Variants in DPY19L4 observed in about 807,000 individuals in gnomAD.
DPY19L4 encodes the protein dpy-19 like 4, also known as probable C-mannosyltransferase DPY19L4.
In DPY19L4, 97 loss-of-function variants were observed where a neutral mutation model predicts 102.8. That is an observed-to-expected ratio of 0.94 (90% CI 0.80 to 1.12). The LOEUF is 1.12. Among genes scored for constraint, DPY19L4 ranks in the 50% most tolerant of loss-of-function variants. The pLI, the probability that DPY19L4 is intolerant of heterozygous loss-of-function variation, is 0.00. For synonymous variants in DPY19L4, 252 were observed against 283.1 expected, an observed-to-expected ratio of 0.89 and a Z score of 1.10; for missense variants, 815 against 850.4, an observed-to-expected ratio of 0.96 and a Z score of 0.52.
Position 94,719,914 on chromosome 8 carries a change from G to T in DPY19L4, c.-85G>T. The T allele has an allele frequency of 7.1e-7, 1 of 1,416,192 alleles. No homozygotes were observed. Among genetic ancestry groups the T allele is most frequent in the Non-Finnish European group, 9.3e-7 (1 of 1,077,834 alleles). 87.7% of individuals were successfully genotyped at this position (1,416,192 alleles called of 1,614,324 possible). On this transcript the variant is annotated 5_prime_UTR_variant, in exon 1 of 19. Transcript: ENST00000414645. Reference sequence around the variant, plus strand: ...GCGCGGCGGCCAGGAGCGGGCCCCCGGAGGCCGAGGGGTTCGGCGACGCGG... The same window carrying T: ...GCGCGGCGGCCAGGAGCGGGCCCCCTGAGGCCGAGGGGTTCGGCGACGCGG...
intron 11 of DPY19L4, 108 bp from the exon 12 acceptor site, chr8:94,768,287 G>T: frequency 1.2e-6 from 1 of 833,884 alleles, no homozygotes; most frequent in East Asian, 2.7e-5. Context: ...AAGTAAACGG[G>T]TTTAGGAAAT....
At chr8:94,747,489 C>A (rs781485776) in intron 6 of DPY19L4, among the ~76,000 whole-genome samples, 1 of 150,286 alleles carries the variant, frequency 6.7e-6, no homozygotes, top group Non-Finnish European at 1.5e-5. Context: ...GCACTGAAGT[C>A]TTTGGCAATA....
chr8:94,719,958 C>G lies in DPY19L4; in HGVS notation c.-41C>G, dbSNP rs1810377005. 6.6e-7 allele frequency: 1 copy of G among 1,504,116 alleles called. No homozygotes were observed. The highest frequency in any genetic ancestry group is 8.9e-7 in the Non-Finnish European group (1 of 1,126,714). 93.2% of individuals were successfully genotyped at this position (1,504,116 alleles called of 1,614,324 possible). A position where few individuals can be genotyped will look rare whatever the true frequency, so the allele number is the denominator to read the frequency against. On this transcript the variant is annotated 5_prime_UTR_variant, in exon 1 of 19. Coordinates refer to ENST00000414645, the MANE Select transcript of DPY19L4 (RefSeq NM_181787.3). ...GACGCGGAGGGAGGGAGAGTCTGGGCCGCGCGGGAGCCGCAGGGCGCCCTA... is the reference window on the plus strand; with the variant it reads ...GACGCGGAGGGAGGGAGAGTCTGGGGCGCGCGGGAGCCGCAGGGCGCCCTA...
intron 13 of DPY19L4, among the ~76,000 whole-genome samples, chr8:94,772,023 A>G (rs1274786167): frequency 1.3e-5 from 2 of 151,808 alleles, no homozygotes; most frequent in African/African-American, 4.9e-5. Context: ...GTTATGTAAT[A>G]ATTTTTTAGG....
At chr8:94,787,133 G>A (rs1466594685) in intron 17 of DPY19L4, among the ~76,000 whole-genome samples, 4 of 152,166 alleles carry the variant, frequency 2.6e-5, no homozygotes, top group Admixed American at 6.5e-5. Flanking sequence ...TGCCAAGGTT[G>A]AGAAACTGTG....
At chr8:94,762,986 T>A (rs1397831139) in intron 8 of DPY19L4, among the ~76,000 whole-genome samples, 2 of 151,780 alleles carry the variant, frequency 1.3e-5, no homozygotes, top group Non-Finnish European at 2.9e-5. Flanking sequence ...TCTCACTCTG[T>A]TGCCCAGGCT....
intron 16 of DPY19L4, among the ~76,000 whole-genome samples, chr8:94,782,747 T>C (rs6471492): frequency 0.062 from 9,411 of 152,262 alleles, 919 homozygotes; most frequent in African/African-American, 0.2. Context: ...TATCTTCTAT[T>C]TTATACAAAT....
At chr8:94,740,777 G>A (rs1398135546) in intron 6 of DPY19L4, among the ~76,000 whole-genome samples, 1 of 151,956 alleles carries the variant, frequency 6.6e-6, no homozygotes. Context: ...TTTTTATGCT[G>A]CTTTCTCTAT....
chr8:94,754,945 C>T (rs897959072), intron 6 of DPY19L4, among the ~76,000 whole-genome samples: 22 of 152,242 alleles, frequency 1.4e-4, no homozygotes, highest in African/African-American at 4.3e-4. Flanking sequence ...CGCGCCACCA[C>T]GGCAGGCTAA....
At chr8:94,739,293 C>T in intron 4 of DPY19L4, 120 bp from the exon 5 acceptor site, 2 of 1,213,812 alleles carry the variant, frequency 1.6e-6, no homozygotes, top group Non-Finnish European at 2.2e-6. Context: ...GAAAATGCAG[C>T]ATGGAGTATT....
intron 2 of DPY19L4, among the ~76,000 whole-genome samples, chr8:94,733,747 G>A (rs1811072201): frequency 6.6e-6 from 1 of 151,664 alleles, no homozygotes; most frequent in Admixed American, 6.6e-5. Context: ...TCACCAGGTT[G>A]GCCAGGCTGG....
intron 14 of DPY19L4, among the ~76,000 whole-genome samples, chr8:94,779,748 G>C (rs1023243086): frequency 6.6e-6 from 1 of 152,186 alleles, no homozygotes; most frequent in African/African-American, 2.4e-5. Flanking sequence ...ATGAGGAAGA[G>C]GGAGATAACT....
Position 94,768,489 on chromosome 8 carries a change from T to G in DPY19L4, c.1270T>G (p.Phe424Val). 1 of 1,593,482 alleles carries G rather than the reference T, an allele frequency of 6.3e-7. No homozygotes were observed. Among genetic ancestry groups the G allele is most frequent in the Non-Finnish European group, 8.6e-7 (1 of 1,164,594 alleles). The change falls in exon 12 of 19, where the codon TTC (phenylalanine) becomes GTC (valine). Residue 424 changes from phenylalanine to valine, a missense_variant. Phe to Val is a conservative substitution (Grantham distance 50). Transcript: ENST00000414645. ...LRLTQSSLLP[F>V]YILVLIICFL... is the part of the protein sequence containing the mutation. ...ATTGACACAGTCTTCTTTATTACCTTTCTACATTCTAGTGTTAATTATTTG... is the reference window on the plus strand; with the variant it reads ...ATTGACACAGTCTTCTTTATTACCTGTCTACATTCTAGTGTTAATTATTTG...
chr8:94,778,449 T>G (rs1269752534), intron 14 of DPY19L4, among the ~76,000 whole-genome samples: 5 of 152,102 alleles, frequency 3.3e-5, no homozygotes, highest in Admixed American at 3.3e-4. Flanking sequence ...CAAAGATAAT[T>G]ATAGCACACT....
intron 6 of DPY19L4, among the ~76,000 whole-genome samples, chr8:94,740,618 C>A (rs1273481705): frequency 6.6e-6 from 1 of 152,072 alleles, no homozygotes; most frequent in Non-Finnish European, 1.5e-5. Context: ...CCAAACCCGG[C>A]TAATTTTTTT....
rs36116205 is a variant in DPY19L4, at chr8:94,781,056, A to ATTTT, written c.1633-13_1633-10dup. The stretch of plus-strand genomic sequence containing the variant: ...AATTACTGACATACATCTTTTGGGG[A>ATTTT]TTTTTTTTTTTTTTTTTTGCATTTT... On this transcript the variant is annotated intron_variant, in intron 15 of 18. Coordinates refer to ENST00000414645, the MANE Select transcript of DPY19L4 (RefSeq NM_181787.3). 511 of 1,200,466 alleles carry ATTTT rather than the reference A, an allele frequency of 4.3e-4. 2 individuals are homozygous for ATTTT. The highest frequency in any genetic ancestry group is 2.8e-3 in the African/African-American group (159 of 56,722). 74.4% of individuals were successfully genotyped at this position (1,200,466 alleles called of 1,614,324 possible).
At chr8:94,788,665 C>T (rs1208486922) in intron 18 of DPY19L4, among the ~76,000 whole-genome samples, 2 of 152,312 alleles carry the variant, frequency 1.3e-5, no homozygotes, top group East Asian at 1.9e-4. Flanking sequence ...GTGTCTTCCC[C>T]CCCAGCCCCC....
chr8:94,764,420 C>A (rs935377413), intron 8 of DPY19L4, among the ~76,000 whole-genome samples: 12 of 151,020 alleles, frequency 7.9e-5, no homozygotes, highest in Non-Finnish European at 1.5e-4. Context: ...ACTAAAAATA[C>A]AAAAAAATTA....
At chr8:94,756,184 G>T in intron 7 of DPY19L4, 25 bp downstream of exon 7, 1 of 1,603,682 alleles carries the variant, frequency 6.2e-7, no homozygotes, top group Non-Finnish European at 8.5e-7. Context: ...TGTTTTATCT[G>T]TTGCAGCTAA....
Sources: gnomAD v4.1 joint callset for allele counts (sites outside exome capture counted in the v4.1 genomes callset) on GRCh38, gnomAD v4.1.1 for gene constraint, MANE v1.5 for transcripts, NCBI Gene and HGNC (gene_info 2026-07-23, HGNC 2026-07-21) for gene names.